The following LRP1B variants were observed in gnomAD, a reference collection of about 807,000 sequenced individuals.
The protein encoded by LRP1B is LDL receptor related protein 1B, also known as low-density lipoprotein receptor-related protein 1B.
LRP1B carries 217 observed loss-of-function variants against 556.6 expected under a neutral mutation model. That is an observed-to-expected ratio of 0.39 (90% CI 0.35 to 0.44). LRP1B has a LOEUF of 0.44. Among genes scored for constraint, LRP1B ranks in the 20% least tolerant of loss-of-function variants. LRP1B has a pLI of 1.00. For synonymous variants in LRP1B, 2,047 were observed against 1,865.8 expected (o/e 1.10, Z -2.50); for missense variants, 5,053 against 5,620.8 (o/e 0.90, Z 3.23).
At chr2:141,719,714 T>C (rs1220732170) in intron 2 of LRP1B, among the ~76,000 whole-genome samples, 1 of 152,104 alleles carries the variant, frequency 6.6e-6, no homozygotes, top group African/African-American at 2.4e-5. Context: ...GCCATGTCTT[T>C]TGTAGCCACA....
Position 142,085,504 on chromosome 2 carries a change from A to G in LRP1B, c.82+45144T>C, listed in dbSNP as rs146734716. ...TGTTAACTAAGTATTTTTCCCATAC[A>G]TGAAGATTATTATATACAAACTTAA... On this transcript the variant is annotated intron_variant, in intron 1 of 90. Coordinates refer to ENST00000389484, the MANE Select transcript of LRP1B (RefSeq NM_018557.3). Among the ~76,000 whole-genome samples the G allele has an allele frequency of 3.7e-3, 561 of 152,266 alleles. 2 individuals carry two copies. Among genetic ancestry groups the G allele is most frequent in the African/African-American group, 0.012 (485 of 41,564 alleles).
At chr2:142,016,535 G>A (rs1274053267) in intron 1 of LRP1B, among the ~76,000 whole-genome samples, 4 of 152,056 alleles carry the variant, frequency 2.6e-5, no homozygotes, top group African/African-American at 7.2e-5. Context: ...GCAGGGACAT[G>A]GATGAAGCTG....
chr2:140,402,670 C>A (rs555711972), intron 66 of LRP1B, among the ~76,000 whole-genome samples: 10 of 152,164 alleles, frequency 6.6e-5, no homozygotes, highest in Non-Finnish European at 1.5e-4. Flanking sequence ...CCCCACCCTT[C>A]CACCTGATAA....
At chr2:141,256,936 G>C (rs1365796237) in intron 3 of LRP1B, among the ~76,000 whole-genome samples, 4 of 151,910 alleles carry the variant, frequency 2.6e-5, no homozygotes, top group Non-Finnish European at 4.4e-5. Context: ...AACACCCGTA[G>C]AACCTCTTCA....
At chr2:141,322,199 C>A (rs1687266697) in intron 3 of LRP1B, among the ~76,000 whole-genome samples, 1 of 152,140 alleles carries the variant, frequency 6.6e-6, no homozygotes, top group African/African-American at 2.4e-5. Context: ...TTTATCAATC[C>A]ATGACAAGAG....
intron 2 of LRP1B, among the ~76,000 whole-genome samples, chr2:141,540,083 G>A (rs1685203384): frequency 6.6e-6 from 1 of 152,030 alleles, no homozygotes; most frequent in African/African-American, 2.4e-5. Flanking sequence ...ATCTTGTTCT[G>A]TGCTTAATAG....
At position 141,878,405 on chromosome 2, in the gene LRP1B, AC is replaced by A. The variant is rs1698840637; in HGVS notation, c.83-68005del. ...AAAAAAACAAAACACATGCACACAC[AC>A]AAACTCAAGAGCAATTGATGAAATT... On this transcript the variant is annotated intron_variant, in intron 1 of 90. Coordinates refer to ENST00000389484, the MANE Select transcript of LRP1B (RefSeq NM_018557.3). 3.9e-5 allele frequency among the ~76,000 whole-genome samples: 6 copies of A among 152,098 alleles called. No individual in the cohort carries two copies. The South Asian group carries it at 1.0e-3, about 26-fold the overall frequency.
chr2:141,063,206 A>C (rs1048744894), intron 7 of LRP1B, among the ~76,000 whole-genome samples: 2 of 151,846 alleles, frequency 1.3e-5, no homozygotes, highest in Non-Finnish European at 2.9e-5. Context: ...TGACTGAGCA[A>C]TATTAAGATT....
chr2:142,131,011 A>T lies in LRP1B; in HGVS notation c.-282T>A, dbSNP rs1707836980. The T allele has an allele frequency of 2.0e-6, 1 of 508,174 alleles. No homozygotes were observed. The highest frequency in any genetic ancestry group is 1.9e-5 in the African/African-American group (1 of 51,642). The allele number at this position is 508,174 out of a possible 1,614,324, so 31.5% of individuals were successfully genotyped here. On this transcript the variant is annotated 5_prime_UTR_variant, in exon 1 of 91. Transcript: ENST00000389484. ...GTGTCTTGACTTTTCAATGCAGGGTACGTCTGATCTTACATCACGCAAGAG... is the reference window on the plus strand; with the variant it reads ...GTGTCTTGACTTTTCAATGCAGGGTTCGTCTGATCTTACATCACGCAAGAG...
chr2:141,043,891 C>A (rs868695594), intron 11 of LRP1B, among the ~76,000 whole-genome samples: 27 of 151,932 alleles, frequency 1.8e-4, no homozygotes, highest in Admixed American at 9.2e-4. Context: ...GCTACCAACG[C>A]CTTTCTTCAC....
intron 43 of LRP1B, among the ~76,000 whole-genome samples, chr2:140,582,342 G>A (rs2105139908): frequency 6.6e-6 from 1 of 150,668 alleles, no homozygotes; most frequent in South Asian, 2.1e-4. Flanking sequence ...GGATGCTAAT[G>A]TACATTCTGT....
chr2:142,035,578 C>T (rs1703848294), intron 1 of LRP1B, among the ~76,000 whole-genome samples: 1 of 151,556 alleles, frequency 6.6e-6, no homozygotes, highest in Non-Finnish European at 1.5e-5. Context: ...CTTATATAGT[C>T]AGAATAAGCA....
At chr2:140,329,796 A>T (rs899035654) in intron 79 of LRP1B, among the ~76,000 whole-genome samples, 4 of 151,814 alleles carry the variant, frequency 2.6e-5, no homozygotes, top group Non-Finnish European at 4.4e-5. Flanking sequence ...AAGAATCAAT[A>T]TTGTGAAAAT....
At chr2:140,272,270 C>CACAA (rs1396066370) in intron 85 of LRP1B, among the ~76,000 whole-genome samples, 1 of 143,714 alleles carries the variant, frequency 7.0e-6, no homozygotes, top group East Asian at 2.0e-4. Context: ...CACACACACA[C>CACAA]ACACACACAC....
chr2:140,437,257 T>C (rs937049720), intron 66 of LRP1B, among the ~76,000 whole-genome samples: 2 of 152,042 alleles, frequency 1.3e-5, no homozygotes, highest in African/African-American at 4.8e-5. Flanking sequence ...CTTTCTCCTT[T>C]CCAGCTGCTA....
chr2:141,383,526 G>A (rs1293046135), intron 3 of LRP1B, among the ~76,000 whole-genome samples: 1 of 152,150 alleles, frequency 6.6e-6, no homozygotes, highest in Non-Finnish European at 1.5e-5. Flanking sequence ...AATTTATGAT[G>A]TGATTATGTC....
intron 2 of LRP1B, among the ~76,000 whole-genome samples, chr2:141,790,803 G>A (rs2105661188): frequency 6.6e-6 from 1 of 151,920 alleles, no homozygotes; most frequent in Admixed American, 6.6e-5. Flanking sequence ...AGACGTTAAA[G>A]TTAAAAAGAA....
intron 3 of LRP1B, among the ~76,000 whole-genome samples, chr2:141,309,026 G>T (rs180863056): frequency 1.3e-5 from 2 of 152,124 alleles, no homozygotes; most frequent in Non-Finnish European, 2.9e-5. Flanking sequence ...AGGTAATCCA[G>T]CTTCAAATTG....
At chr2:140,366,520 A>C (rs1042794841) in intron 71 of LRP1B, among the ~76,000 whole-genome samples, 31 of 151,808 alleles carry the variant, frequency 2.0e-4, no homozygotes, top group East Asian at 1.6e-3. Flanking sequence ...GAATATAGTT[A>C]TGATTTGAAG....
Sources: gnomAD v4.1 joint callset for allele counts (sites outside exome capture counted in the v4.1 genomes callset) on GRCh38, gnomAD v4.1.1 for gene constraint, MANE v1.5 for transcripts, NCBI Gene and HGNC (gene_info 2026-07-23, HGNC 2026-07-21) for gene names.